TVP23A: variants seen among roughly 807,000 people sequenced by gnomAD.
The protein encoded by TVP23A is Golgi apparatus membrane protein TVP23 homolog A.
TVP23A carries 21 observed loss-of-function variants against 31.7 expected under a neutral mutation model. The ratio of observed to expected loss-of-function variants is 0.66; its 90% CI spans 0.47 to 0.95. The LOEUF (loss-of-function observed/expected upper bound fraction) is 0.95. Ranked by LOEUF, TVP23A falls within the 40% of genes least tolerant of loss-of-function variation. TVP23A has a pLI of 0.00. For synonymous variants in TVP23A, 104 were observed against 96.0 expected (o/e 1.08, Z -0.49); for missense variants, 279 against 255.6 (o/e 1.09, Z -0.62).
At chr16:10,778,679 T>C (rs895398192) in intron 2 of TVP23A, among the ~76,000 whole-genome samples, 4 of 145,450 alleles carry the variant, frequency 2.8e-5, no homozygotes, top group African/African-American at 5.1e-5. Flanking sequence ...AAAAAAAAGA[T>C]AGAGGGTCGG....
At chr16:10,790,941 G>A (rs1008752072) in intron 2 of TVP23A, among the ~76,000 whole-genome samples, 1 of 152,078 alleles carries the variant, frequency 6.6e-6, no homozygotes, top group African/African-American at 2.4e-5. Context: ...AGGGTAGAAC[G>A]AGGCATGTCT....
downstream of TVP23A, among the ~76,000 whole-genome samples, chr16:10,758,352 A>G (rs1337628755): frequency 6.6e-6 from 1 of 152,200 alleles, no homozygotes; most frequent in East Asian, 1.9e-4. Flanking sequence ...TCGCGCCTGT[A>G]GTTCCAGCTA....
At chr16:10,773,723 A>C (rs1420481575) in intron 4 of TVP23A, among the ~76,000 whole-genome samples, 1 of 152,052 alleles carries the variant, frequency 6.6e-6, no homozygotes, top group East Asian at 1.9e-4. Context: ...GGTGCCTGCC[A>C]CCACGCCCAG....
At chr16:10,788,687 G>T (rs2032918476) in intron 2 of TVP23A, among the ~76,000 whole-genome samples, 1 of 152,218 alleles carries the variant, frequency 6.6e-6, no homozygotes, top group Non-Finnish European at 1.5e-5. Context: ...CTGAGAAGCA[G>T]ATGTTCAGGG....
intron 2 of TVP23A, among the ~76,000 whole-genome samples, chr16:10,792,961 T>C (rs2033185530): frequency 6.6e-6 from 1 of 152,214 alleles, no homozygotes; most frequent in Non-Finnish European, 1.5e-5. Flanking sequence ...GCCACAGTTT[T>C]TTCCTCTTGT....
chr16:10,766,017 A>T (rs1596477797), downstream of TVP23A: 1 of 152,520 alleles, frequency 6.6e-6, no homozygotes, highest in African/African-American at 2.4e-5. The surrounding 1 kb of genome is among the most constrained non-coding windows in gnomAD (Gnocchi z 4.8). Context: ...GTCACTGGGG[A>T]CAGAGTGGGG....
At chr16:10,775,744 CTTTTTTTTTTTT>C (rs1004091841) in intron 2 of TVP23A, among the ~76,000 whole-genome samples, 4 of 94,560 alleles carry the variant, frequency 4.2e-5, no homozygotes, top group African/African-American at 1.8e-4. Flanking sequence ...AATTGCTTTT[CTTTTTTTTTTTT>C]TTTTTTTTTT....
chr16:10,760,735 TA>T (rs373845717), downstream of TVP23A, among the ~76,000 whole-genome samples: 3,163 of 148,780 alleles, frequency 0.021, 130 homozygotes, highest in African/African-American at 0.073. Flanking sequence ...ATCCTGTCTC[TA>T]AAAAAAAAAG....
chr16:10,764,417 G>C (rs888449968), downstream of TVP23A, among the ~76,000 whole-genome samples: 2 of 150,498 alleles, frequency 1.3e-5, no homozygotes, highest in African/African-American at 4.9e-5. Flanking sequence ...TTGTCTATTG[G>C]AGAATCTCAG....
chr16:10,818,578 C>A lies in TVP23A; in HGVS notation c.-85G>T. The A allele has an allele frequency of 6.6e-7, 1 of 1,509,302 alleles. No homozygotes were observed. The allele number at this position is 1,509,302 out of a possible 1,614,324, so 93.5% of individuals were successfully genotyped here. On this transcript the variant is annotated 5_prime_UTR_variant, in exon 1 of 8. Transcript: ENST00000299866. This position sits in a 1 kb window ranked among gnomAD's most constrained non-coding sequence, Gnocchi z 4.7. ...CTGAAGGGGTCGGACGCCGGGCGGG[C>A]GGATGTAGGCAGCAGACGGTGGACG...
chr16:10,808,529 G>A (rs1430826329), intron 2 of TVP23A: 15 of 455,204 alleles, frequency 3.3e-5, no homozygotes, highest in Non-Finnish European at 5.7e-5. Context: ...GGGTGCAGTG[G>A]CTCATACCTT....
At chr16:10,813,615 G>A (rs2034298704) in intron 2 of TVP23A, among the ~76,000 whole-genome samples, 1 of 152,062 alleles carries the variant, frequency 6.6e-6, no homozygotes, top group Admixed American at 6.6e-5. Context: ...AATAAAGTTT[G>A]GATCCTTTTT....
intron 2 of TVP23A, among the ~76,000 whole-genome samples, chr16:10,798,483 C>T (rs2142995621): frequency 6.6e-6 from 1 of 152,220 alleles, no homozygotes; most frequent in South Asian, 2.1e-4. Context: ...CCTGTGGTAG[C>T]CAGCCTCTGA....
intron 2 of TVP23A, among the ~76,000 whole-genome samples, chr16:10,803,517 G>T (rs898392994): frequency 2.0e-5 from 3 of 152,132 alleles, no homozygotes; most frequent in Non-Finnish European, 4.4e-5. Flanking sequence ...AGTGTGCACA[G>T]TGTCATTAAT....
chr16:10,787,242 G>C (rs1287906989), intron 2 of TVP23A, among the ~76,000 whole-genome samples: 1 of 151,826 alleles, frequency 6.6e-6, no homozygotes, highest in Non-Finnish European at 1.5e-5. Flanking sequence ...TAGGCAGATA[G>C]TGAGGATATG....
At chr16:10,802,619 G>A (rs1387714228) in intron 2 of TVP23A, among the ~76,000 whole-genome samples, 2 of 151,976 alleles carry the variant, frequency 1.3e-5, no homozygotes, top group African/African-American at 4.8e-5. Flanking sequence ...TCAGTTCTTC[G>A]TACTATTCTT....
At chr16:10,764,709 C>T (rs2697656), downstream of TVP23A, among the ~76,000 whole-genome samples, 1,053 of 151,154 alleles carry the variant, frequency 7.0e-3, no homozygotes, top group African/African-American at 0.025. Context: ...GCATCTCAGT[C>T]TGCTGGAGTA....
chr16:10,800,052 G>C (rs1329304611), intron 2 of TVP23A, among the ~76,000 whole-genome samples: 2 of 123,174 alleles, frequency 1.6e-5, no homozygotes, highest in Non-Finnish European at 3.3e-5. Context: ...GTAAAAAGTA[G>C]TATTCCCCCA....
chr16:10,807,177 A>G (rs147217498), intron 2 of TVP23A, among the ~76,000 whole-genome samples: 27 of 152,320 alleles, frequency 1.8e-4, no homozygotes, highest in African/African-American at 5.8e-4. Context: ...TGGAAAATCA[A>G]CAAAGAAAAA....
Sources: allele counts gnomAD v4.1 joint callset (sites outside exome capture counted in the v4.1 genomes callset), GRCh38; gene constraint gnomAD v4.1.1; non-coding constraint Gnocchi (gnomAD v3.1); transcripts MANE v1.5; gene names NCBI Gene and HGNC (gene_info 2026-07-23, HGNC 2026-07-21).